The following PJA2 variants were observed in gnomAD, a reference collection of about 807,000 sequenced individuals.
PJA2 encodes praja ring finger ubiquitin ligase 2.
Under a neutral mutation model 69.3 loss-of-function variants are expected in PJA2, and 25 were observed. The observed-to-expected ratio is 0.36, with a 90% confidence interval of 0.26 to 0.50. PJA2 has a LOEUF of 0.50. Among genes scored for constraint, PJA2 ranks in the 20% least tolerant of loss-of-function variants. The probability of loss-of-function intolerance (pLI) is 0.96; values close to 1 mark genes in which losing one functional copy is unlikely to be tolerated. For missense variants in PJA2, 809 were observed against 830.2 expected, an observed-to-expected ratio of 0.97 and a Z score of 0.31; for synonymous variants, 308 against 277.8, an observed-to-expected ratio of 1.11 and a Z score of -1.08.
chr5:109,407,313 AT>A (rs143642908), intron 1 of PJA2, among the ~76,000 whole-genome samples: 7,627 of 152,226 alleles, frequency 0.05, 204 homozygotes, highest in African/African-American at 0.072. Flanking sequence ...TGTCAAAAAA[AT>A]ATATATAAGA....
chr5:109,352,936 G>GATACCTATTATATCTATAGACATCTATA (rs1762282503), intron 7 of PJA2, among the ~76,000 whole-genome samples: 1 of 126,466 alleles, frequency 7.9e-6, no homozygotes, highest in African/African-American at 2.9e-5. Context: ...AGACATCTAT[G>GATACCTATTATATCTATAGACATCTATA]TATTAGATAC....
At chr5:109,402,995 G>A (rs1747594461) in intron 1 of PJA2, among the ~76,000 whole-genome samples, 1 of 151,202 alleles carries the variant, frequency 6.6e-6, no homozygotes, top group African/African-American at 2.4e-5. Context: ...TAACATAGAG[G>A]AATTTAAACC....
chr5:109,350,783 C>G (rs1196898396), intron 7 of PJA2, among the ~76,000 whole-genome samples: 2 of 152,134 alleles, frequency 1.3e-5, no homozygotes, highest in African/African-American at 4.8e-5. Context: ...ACATTACAGC[C>G]TTCCTAGTGC....
At chr5:109,343,862 G>T (rs1762127746) in intron 9 of PJA2, among the ~76,000 whole-genome samples, 1 of 152,136 alleles carries the variant, frequency 6.6e-6, no homozygotes, top group Admixed American at 6.5e-5. Context: ...TTGGGAGGCT[G>T]AGGCAGGCGG....
intron 4 of PJA2, among the ~76,000 whole-genome samples, chr5:109,376,861 C>T (rs1381734592): frequency 6.6e-6 from 1 of 152,048 alleles, no homozygotes; most frequent in African/African-American, 2.4e-5. Flanking sequence ...AGTAATCAAA[C>T]ATAACTATAT....
rs540550089 is a variant in PJA2 at position 109,391,244 on chromosome 5, C to T, written c.-87-7724G>A. 7.9e-5 allele frequency among the ~76,000 whole-genome samples: 12 copies of T among 152,226 alleles called. No homozygotes were observed. In the East Asian group the frequency reaches 2.3e-3, roughly 29 times the overall value. ...TCATATAGCTCACCCTACATGTAAG[C>T]CCCACCAAACATTATCAAGACTGTT... On this transcript the variant is annotated intron_variant, in intron 1 of 9. Coordinates refer to ENST00000361189, the MANE Select transcript of PJA2 (RefSeq NM_014819.5).
intron 1 of PJA2, among the ~76,000 whole-genome samples, chr5:109,390,950 A>G (rs569281362): frequency 6.6e-6 from 1 of 152,128 alleles, no homozygotes; most frequent in South Asian, 2.1e-4. Context: ...GCTTGTCCTT[A>G]TATCAAAGTG....
At chr5:109,380,333 G>C (rs947293675) in intron 3 of PJA2, among the ~76,000 whole-genome samples, 7 of 152,068 alleles carry the variant, frequency 4.6e-5, no homozygotes, top group African/African-American at 1.7e-4. Flanking sequence ...CTTAGAACAA[G>C]AGGAAGAAGA....
intron 7 of PJA2, among the ~76,000 whole-genome samples, chr5:109,351,929 A>C (rs1156302182): frequency 2.6e-5 from 4 of 152,222 alleles, no homozygotes; most frequent in Non-Finnish European, 5.9e-5. Context: ...AAATAAATGC[A>C]TACTGAACAC....
At position 109,368,571 on chromosome 5, in the gene PJA2, G is replaced by A. The variant is rs1182177090; in HGVS notation, c.1459C>T (p.Leu487Phe). ...CACTGTTGAACATACCCTTCCTGAA[G>A]AGATAATTCTTGGTTTTCTTCTTCA... ...GPEEENQELS[L>F]QEGEQTSLEE... is the part of the protein sequence containing the mutation. The change falls in exon 5 of 10, where the codon CTT becomes TTT. Residue 487 changes from leucine to phenylalanine, a missense_variant. By Grantham distance (22) the Leu-to-Phe change is conservative (BLOSUM62 0). Coordinates refer to ENST00000361189, the MANE Select transcript of PJA2 (RefSeq NM_014819.5). The A allele has an allele frequency of 6.2e-7, 1 of 1,613,262 alleles. No individual in the cohort carries two copies. Among genetic ancestry groups the A allele is most frequent in the African/African-American group, 1.3e-5 (1 of 74,972 alleles).
chr5:109,337,829 C>A (rs1010651283), intron 9 of PJA2, among the ~76,000 whole-genome samples: 15 of 152,062 alleles, frequency 9.9e-5, no homozygotes, highest in African/African-American at 3.6e-4. Flanking sequence ...TAAAGAAGGT[C>A]TACGATGAAT....
chr5:109,402,626 C>T (rs1481844112), intron 1 of PJA2, among the ~76,000 whole-genome samples: 1 of 152,096 alleles, frequency 6.6e-6, no homozygotes, highest in Non-Finnish European at 1.5e-5. Context: ...AACAAAAACT[C>T]AGTAAGGAAA....
rs191416978 is a variant in PJA2 at position 109,386,670 on chromosome 5, A to C, written c.-87-3150T>G. ...TCATTTTTTTTTTCCCTTTACTGGA[A>C]GATCCTCAAATAATGGTTTCAACAA... is the stretch of plus-strand genomic sequence containing the variant. On this transcript the variant is annotated intron_variant, in intron 1 of 9. Coordinates refer to ENST00000361189, the MANE Select transcript of PJA2 (RefSeq NM_014819.5). Among the ~76,000 whole-genome samples, 73 of 152,108 alleles carry C rather than the reference A, an allele frequency of 4.8e-4. 1 individual carries two copies. The highest frequency in any genetic ancestry group is 1.6e-3 in the African/African-American group (65 of 41,502).
chr5:109,409,677 C>A (rs1747784399), intron 1 of PJA2, among the ~76,000 whole-genome samples, 165 bp downstream of exon 1: 2 of 152,134 alleles, frequency 1.3e-5, no homozygotes, highest in South Asian at 2.1e-4. Flanking sequence ...CAGCCATCAA[C>A]CCCACCCACC....
At position 109,378,734 on chromosome 5, in the gene PJA2, C is replaced by G. The variant is rs755702895; in HGVS notation, c.753G>C (p.Gln251His). 1.2e-5 allele frequency: 19 copies of G among 1,612,762 alleles called. 1 individual carries two copies. The highest frequency in any genetic ancestry group is 1.6e-4 in the Middle Eastern group (1 of 6,062). ...SSAGDTEFVHQNSQEIQRSSQ... is the reference protein window; with the variant it reads ...SSAGDTEFVHHNSQEIQRSSQ... ...AAGACCTCTGAATTTCCTGGCTATT[C>G]TGATGGACAAACTCAGTATCACCAG... Residue 251 changes from glutamine to histidine, a missense_variant, in exon 4 of 10, where the codon CAG becomes CAC. Around this residue, in one of 4 missense-constraint regions of PJA2, gnomAD observed 700 missense variants for 639.5 expected, o/e 1.09. Transcript: ENST00000361189.
intron 4 of PJA2, among the ~76,000 whole-genome samples, chr5:109,376,867 T>C (rs956882814): frequency 6.6e-5 from 10 of 152,114 alleles, no homozygotes; most frequent in Non-Finnish European, 1.5e-4. Flanking sequence ...CAAACATAAC[T>C]ATATTTCTGC....
At chr5:109,399,990 T>C (rs1400788503) in intron 1 of PJA2, among the ~76,000 whole-genome samples, 1 of 152,076 alleles carries the variant, frequency 6.6e-6, no homozygotes, top group Non-Finnish European at 1.5e-5. Flanking sequence ...AAGCTTTTAG[T>C]GAGCTCAAGA....
chr5:109,344,159 T>G, intron 9 of PJA2, 31 bp downstream of exon 9: 1 of 1,348,904 alleles, frequency 7.4e-7, no homozygotes, highest in Non-Finnish European at 9.7e-7. Context: ...TATTAAAGTA[T>G]TTTTAAATTT....
intron 1 of PJA2, among the ~76,000 whole-genome samples, chr5:109,396,859 A>G (rs533347186): frequency 6.6e-6 from 1 of 152,268 alleles, no homozygotes; most frequent in South Asian, 2.1e-4. Context: ...AAGTAAAACT[A>G]AAAGTCTACT....
Sources: allele counts gnomAD v4.1 joint callset (sites outside exome capture counted in the v4.1 genomes callset), GRCh38; gene constraint gnomAD v4.1.1; regional missense constraint gnomAD v4.1.1; transcripts MANE v1.5; gene names NCBI Gene and HGNC (gene_info 2026-07-23, HGNC 2026-07-21).